The following PSD3 variants were observed in gnomAD, a reference collection of about 807,000 sequenced individuals.
The protein encoded by PSD3 is pleckstrin and Sec7 domain containing 3.
In PSD3, 49 loss-of-function variants were observed where a neutral mutation model predicts 105.5. The observed-to-expected ratio is 0.46, with a 90% confidence interval of 0.37 to 0.59. The LOEUF is 0.59. Ranked by LOEUF, PSD3 falls within the 20% of genes least tolerant of loss-of-function variation. PSD3 has a pLI of 0.00. For synonymous variants in PSD3, 557 were observed against 457.8 expected (o/e 1.22, Z -2.77); for missense variants, 1,561 against 1,263.8 (o/e 1.24, Z -3.57).
At chr8:18,621,605 TAG>T (rs1806113040) in intron 11 of PSD3, among the ~76,000 whole-genome samples, 1 of 152,186 alleles carries the variant, frequency 6.6e-6, no homozygotes, top group African/African-American at 2.4e-5. Context: ...CCATTAAAAC[TAG>T]AGAGTCACGT....
chr8:18,626,501 T>C (rs1806489530), intron 11 of PSD3, among the ~76,000 whole-genome samples: 1 of 152,140 alleles, frequency 6.6e-6, no homozygotes, highest in Non-Finnish European at 1.5e-5. Flanking sequence ...ACTTTTTGTG[T>C]CCAAAAAACA....
intron 1 of PSD3, among the ~76,000 whole-genome samples, chr8:19,022,953 A>G (rs1393383071): frequency 6.6e-6 from 1 of 151,670 alleles, no homozygotes; most frequent in Non-Finnish European, 1.5e-5. Context: ...TCACCTCAGT[A>G]GCACCCAAGA....
At chr8:19,008,096 G>C (rs112478334) in intron 1 of PSD3, among the ~76,000 whole-genome samples, 3,403 of 152,204 alleles carry the variant, frequency 0.022, 139 homozygotes, top group African/African-American at 0.078. Flanking sequence ...CACCCGCCTC[G>C]GGCTCCCAAA....
chr8:18,574,478 A>G (rs2130351381), intron 13 of PSD3, among the ~76,000 whole-genome samples: 1 of 152,136 alleles, frequency 6.6e-6, no homozygotes, highest in Admixed American at 6.5e-5. Context: ...CCATTCCTAC[A>G]CTCAAAAACC....
chr8:18,933,555 C>T (rs1821887086), intron 2 of PSD3, among the ~76,000 whole-genome samples: 1 of 152,152 alleles, frequency 6.6e-6, no homozygotes, highest in East Asian at 1.9e-4. Flanking sequence ...GCAACTTCTG[C>T]CTCCTGGGCT....
At chr8:18,782,250 T>G (rs997116061) in intron 8 of PSD3, among the ~76,000 whole-genome samples, 12 of 152,288 alleles carry the variant, frequency 7.9e-5, no homozygotes, top group African/African-American at 2.2e-4. Flanking sequence ...TCATGTTTCT[T>G]GTGTCCTTAC....
At chr8:18,736,057 T>G (rs1804127631) in intron 9 of PSD3, among the ~76,000 whole-genome samples, 1 of 152,164 alleles carries the variant, frequency 6.6e-6, no homozygotes, top group Admixed American at 6.5e-5. Context: ...AATTTCAACT[T>G]TCTTAAAACA....
intron 1 of PSD3, among the ~76,000 whole-genome samples, chr8:19,012,688 CA>C (rs1365412345): frequency 6.6e-6 from 1 of 152,320 alleles, no homozygotes; most frequent in Non-Finnish European, 1.5e-5. Context: ...CCGGGCTTTG[CA>C]AAATCCTTTG....
At chr8:18,709,134 T>C (rs942113258) in intron 9 of PSD3, among the ~76,000 whole-genome samples, 2 of 152,164 alleles carry the variant, frequency 1.3e-5, no homozygotes, top group African/African-American at 4.8e-5. Flanking sequence ...CTGCCATCAC[T>C]GTGGCTCCAA....
intron 9 of PSD3, among the ~76,000 whole-genome samples, chr8:18,761,208 A>AT (rs1806505829): frequency 6.6e-6 from 1 of 152,062 alleles, no homozygotes; most frequent in African/African-American, 2.4e-5. Flanking sequence ...AGCAAGATTC[A>AT]TTTTCAGTCA....
intron 8 of PSD3, among the ~76,000 whole-genome samples, chr8:18,787,419 G>C (rs1809271309): frequency 1.3e-5 from 2 of 152,044 alleles, no homozygotes; most frequent in African/African-American, 4.8e-5. Context: ...TGAAGCTCTG[G>C]ATCATTACCT....
intron 2 of PSD3, among the ~76,000 whole-genome samples, chr8:18,921,256 A>T (rs1204014098): frequency 6.6e-6 from 1 of 152,242 alleles, no homozygotes; most frequent in Non-Finnish European, 1.5e-5. Context: ...ACTACAGTTT[A>T]AATGTATTAA....
intron 1 of PSD3, among the ~76,000 whole-genome samples, chr8:18,977,571 TAG>T (rs766260518): frequency 6.6e-6 from 1 of 152,160 alleles, no homozygotes; most frequent in African/African-American, 2.4e-5. Context: ...TTTAAAAAGA[TAG>T]AGAGATTTGT....
chr8:18,555,762 G>A (rs976578683), intron 15 of PSD3, among the ~76,000 whole-genome samples: 1 of 152,170 alleles, frequency 6.6e-6, no homozygotes, highest in Non-Finnish European at 1.5e-5. Flanking sequence ...GTGACAAGAA[G>A]AAAAACGCAT....
intron 15 of PSD3, among the ~76,000 whole-genome samples, chr8:18,536,800 C>T (rs952443498): frequency 3.3e-5 from 5 of 151,424 alleles, no homozygotes; most frequent in African/African-American, 1.2e-4. Context: ...ATAGAACTAT[C>T]ATATATGTTG....
chr8:18,836,595 G>A (rs943898446), intron 4 of PSD3, among the ~76,000 whole-genome samples: 3 of 152,154 alleles, frequency 2.0e-5, no homozygotes, highest in Non-Finnish European at 4.4e-5. Context: ...ATCCATGAGG[G>A]ATTAGTTCCA....
At chr8:18,688,827 G>C (rs1244909055) in intron 9 of PSD3, among the ~76,000 whole-genome samples, 1 of 152,216 alleles carries the variant, frequency 6.6e-6, no homozygotes, top group African/African-American at 2.4e-5. Context: ...AGCCTGTACA[G>C]AGACAGCCGA....
intron 15 of PSD3, among the ~76,000 whole-genome samples, chr8:18,539,220 C>A (rs1014759258): frequency 6.6e-6 from 1 of 152,204 alleles, no homozygotes; most frequent in Non-Finnish European, 1.5e-5. Context: ...TATGTAAATG[C>A]TATCCAGAGG....
At chr8:18,655,949 T>C (rs1014282850) in intron 9 of PSD3, among the ~76,000 whole-genome samples, 7 of 152,232 alleles carry the variant, frequency 4.6e-5, no homozygotes, top group South Asian at 2.1e-4. Flanking sequence ...CATTTCATTA[T>C]AGTAAAATAT....
Sources: gnomAD v4.1 joint callset for allele counts (sites outside exome capture counted in the v4.1 genomes callset) on GRCh38, gnomAD v4.1.1 for gene constraint, MANE v1.5 for transcripts, NCBI Gene and HGNC (gene_info 2026-07-23, HGNC 2026-07-21) for gene names.